Variants in MRTFB observed in about 807,000 individuals in gnomAD.
MRTFB encodes the protein myocardin related transcription factor B.
In MRTFB, 29 loss-of-function variants were observed where a neutral mutation model predicts 104.2. The ratio of observed to expected loss-of-function variants is 0.28; its 90% CI spans 0.21 to 0.38. The LOEUF is 0.38. Among genes scored for constraint, MRTFB ranks in the 10% least tolerant of loss-of-function variants. The pLI, the probability that MRTFB is intolerant of heterozygous loss-of-function variation, is 1.00. For synonymous variants in MRTFB, 535 were observed against 519.5 expected (o/e 1.03, Z -0.41); for missense variants, 1,270 against 1,341.6 (o/e 0.95, Z 0.83).
chr16:14,160,540 T>G (rs892433486), intron 3 of MRTFB, among the ~76,000 whole-genome samples: 1 of 152,194 alleles, frequency 6.6e-6, no homozygotes, highest in African/African-American at 2.4e-5. Flanking sequence ...GGATAATACC[T>G]TGAGACTATA....
intron 3 of MRTFB, among the ~76,000 whole-genome samples, chr16:14,149,017 A>G (rs570250024): frequency 1.7e-4 from 26 of 152,300 alleles, no homozygotes; most frequent in Admixed American, 5.2e-4. Context: ...AGCTCTCTCA[A>G]TTAGTCAGAC....
chr16:14,197,799 A>C (rs1459779445), intron 3 of MRTFB, among the ~76,000 whole-genome samples: 1 of 152,206 alleles, frequency 6.6e-6, no homozygotes, highest in Admixed American at 6.5e-5. Context: ...AATTGTTAAA[A>C]GATCAAATCA....
At chr16:14,009,927 T>C in the MRTFB span, 2 of 152,324 alleles carry the variant, frequency 1.3e-5, no homozygotes, top group Admixed American at 1.3e-4. Flanking sequence ...CTTCCACCCC[T>C]GCCCCAGGCA....
the MRTFB span, among the ~76,000 whole-genome samples, chr16:14,034,616 C>CAA: frequency 0.14 from 7,847 of 57,640 alleles, 347 homozygotes; most frequent in Non-Finnish European, 0.17. Flanking sequence ...CTCCATCTCA[C>CAA]AAAAAAAAAA....
chr16:14,169,713 C>T (rs1287063338), intron 3 of MRTFB, among the ~76,000 whole-genome samples: 5 of 152,004 alleles, frequency 3.3e-5, no homozygotes, highest in African/African-American at 7.3e-5. Flanking sequence ...TATGAAGAGA[C>T]AGTTTGAGTT....
rs1397490599 is a variant in MRTFB, at chr16:14,234,187, T to C, written c.735T>C (p.Thr245=). Reference sequence around the variant, plus strand: ...CAACAGTTCCTGAATTCTTGAAAACTCCTCCAACTGCAGATCAGCCTCCCC... The same window carrying C: ...CAACAGTTCCTGAATTCTTGAAAACCCCTCCAACTGCAGATCAGCCTCCCC... ...VSPTVPEFLK[T]PPTADQPPPR... is the part of the protein sequence containing the mutation. The change falls in exon 9 of 17, where the codon ACT becomes ACC. Residue 245 remains threonine (T), a synonymous_variant. Coordinates refer to ENST00000571589, the MANE Select transcript of MRTFB (RefSeq NM_001308142.2). 6.2e-7 allele frequency: 1 copy of C among 1,614,138 alleles called. No homozygotes were observed. Among genetic ancestry groups the C allele is most frequent in the Non-Finnish European group, 8.5e-7 (1 of 1,180,004 alleles).
At chr16:14,259,981 A>G (rs1186731698) in intron 16 of MRTFB, among the ~76,000 whole-genome samples, 2 of 152,180 alleles carry the variant, frequency 1.3e-5, no homozygotes. Flanking sequence ...TTGTTAATTT[A>G]TTTTTCCTAG....
chr16:14,148,505 G>GT (rs1352001327), intron 3 of MRTFB, among the ~76,000 whole-genome samples: 1 of 152,180 alleles, frequency 6.6e-6, no homozygotes, highest in Non-Finnish European at 1.5e-5. Context: ...ACAGAAAACA[G>GT]TAAGACTGAT....
At chr16:14,006,955 T>G in the MRTFB span, among the ~76,000 whole-genome samples, 2 of 152,042 alleles carry the variant, frequency 1.3e-5, no homozygotes, top group South Asian at 4.2e-4. Flanking sequence ...AGTTCAAGGC[T>G]GCAGTGAGCT....
At chr16:14,141,788 GC>G (rs1157749035) in intron 3 of MRTFB, 1 of 150,764 alleles carries the variant, frequency 6.6e-6, no homozygotes, top group African/African-American at 2.4e-5. Context: ...AATGTGTTTT[GC>G]TTTGTATCTG....
Position 14,103,670 on chromosome 16 carries a change from A to C in MRTFB, c.-64+24316A>C, listed in dbSNP as rs572912554. On this transcript the variant is annotated intron_variant, in intron 2 of 16. Coordinates refer to ENST00000571589, the MANE Select transcript of MRTFB (RefSeq NM_001308142.2). ...TTGCTACAAATATAGTCTGCTTCTA[A>C]TGCCTTCGTCAAAGTCAGTCCAGCC... Among the ~76,000 whole-genome samples, 10 of 152,256 alleles carry C rather than the reference A, an allele frequency of 6.6e-5. 1 individual carries two copies. In the South Asian group the frequency reaches 2.1e-3, roughly 32 times the overall value.
the MRTFB span, among the ~76,000 whole-genome samples, chr16:14,024,623 G>A: frequency 7.9e-5 from 12 of 152,168 alleles, no homozygotes; most frequent in Non-Finnish European, 1.8e-4. Flanking sequence ...GGCCATTGCT[G>A]CATTCTTCAT....
intron 16 of MRTFB, among the ~76,000 whole-genome samples, chr16:14,260,573 A>G (rs1225596833): frequency 1.3e-5 from 2 of 152,218 alleles, no homozygotes; most frequent in African/African-American, 4.8e-5. Context: ...ATTGATACCT[A>G]TCTAGTGAGA....
At chr16:14,075,472 C>G (rs565223290) in intron 1 of MRTFB, among the ~76,000 whole-genome samples, 5 of 152,352 alleles carry the variant, frequency 3.3e-5, no homozygotes, top group African/African-American at 1.2e-4. Context: ...ATAAAAATCA[C>G]GGGACCAGAT....
chr16:13,999,560 T>C, the MRTFB span, among the ~76,000 whole-genome samples: 1 of 149,828 alleles, frequency 6.7e-6, no homozygotes, highest in African/African-American at 2.5e-5. Flanking sequence ...ATGGGAGCCA[T>C]CAGTATAAAG....
rs1322373289 is a variant in MRTFB, at chr16:14,263,998, C to T, written c.*2554C>T. The T allele has an allele frequency of 6.6e-6, 1 of 152,200 alleles. No homozygotes were observed. Among genetic ancestry groups the T allele is most frequent in the Non-Finnish European group, 1.5e-5 (1 of 68,050 alleles). 9.4% of individuals were successfully genotyped at this position (152,200 alleles called of 1,614,324 possible). A position where few individuals can be genotyped will look rare whatever the true frequency, so the allele number is the denominator to read the frequency against. On this transcript the variant is annotated 3_prime_UTR_variant, in exon 17 of 17. Coordinates refer to ENST00000571589, the MANE Select transcript of MRTFB (RefSeq NM_001308142.2). ...ATGTGACATGACCAAAGATGATACT[C>T]TGTAAACAAGGCCCTTCTGACCGGA...
chr16:14,238,532 A>C (rs2042624058), intron 9 of MRTFB, among the ~76,000 whole-genome samples: 1 of 152,190 alleles, frequency 6.6e-6, no homozygotes, highest in South Asian at 2.1e-4. Flanking sequence ...GGGAGGTTCA[A>C]ATAATTACAA....
At chr16:14,236,930 G>A (rs1476388069) in intron 9 of MRTFB, among the ~76,000 whole-genome samples, 1 of 152,234 alleles carries the variant, frequency 6.6e-6, no homozygotes, top group Non-Finnish European at 1.5e-5. Context: ...TGAAGGCTAA[G>A]CTGCCAGGAT....
At chr16:14,138,424 G>T (rs1443589261) in intron 2 of MRTFB, among the ~76,000 whole-genome samples, 3 of 151,940 alleles carry the variant, frequency 2.0e-5, no homozygotes, top group Non-Finnish European at 2.9e-5. Flanking sequence ...GGATCTGCTG[G>T]TGACAATTTT....
Sources: gnomAD v4.1 joint callset for allele counts (sites outside exome capture counted in the v4.1 genomes callset) on GRCh38, gnomAD v4.1.1 for gene constraint, MANE v1.5 for transcripts, NCBI Gene and HGNC (gene_info 2026-07-23, HGNC 2026-07-21) for gene names.